Variants in MYOM2 observed in about 807,000 individuals in gnomAD.
MYOM2 encodes myomesin-2.
A neutral mutation model predicts 187.6 loss-of-function variants in MYOM2; 254 were observed. The ratio of observed to expected loss-of-function variants is 1.35; its 90% CI spans 1.22 to 1.50. MYOM2 has a LOEUF of 1.50. MYOM2 is among the 40% of genes most tolerant of loss of function. The pLI, the probability that MYOM2 is intolerant of heterozygous loss-of-function variation, is 0.00. For missense variants in MYOM2, 2,796 were observed against 1,924.0 expected (o/e 1.45, Z -8.48); for synonymous variants, 981 against 753.8 (o/e 1.30, Z -4.94).
chr8:2,104,146 T>C (rs1287602705), intron 21 of MYOM2, among the ~76,000 whole-genome samples: 3 of 96,036 alleles, frequency 3.1e-5, no homozygotes, highest in African/African-American at 1.4e-4. Context: ...ATCAGAAAAT[T>C]TTAAAAAGCT....
intron 32 of MYOM2, among the ~76,000 whole-genome samples, chr8:2,130,537 T>C (rs1433755520): frequency 1.3e-5 from 2 of 152,264 alleles, no homozygotes; most frequent in Non-Finnish European, 2.9e-5. Flanking sequence ...ACTGGTTTGC[T>C]TAGGTGACTG....
intron 7 of MYOM2, 30 bp from the exon 8 acceptor site, chr8:2,069,417 T>G: frequency 6.2e-7 from 1 of 1,614,082 alleles, no homozygotes; most frequent in South Asian, 1.1e-5. Context: ...CTTTTCTCTT[T>G]TCTGCTGCAC....
rs905227758 is a variant in MYOM2, at chr8:2,076,564, C to T, written c.1262+282C>T. 3 of 407,564 alleles carry T rather than the reference C, an allele frequency of 7.4e-6. No individual in the cohort carries two copies. In the Admixed American group the frequency reaches 1.2e-4, roughly 17 times the overall value. 25.2% of individuals were successfully genotyped at this position (407,564 alleles called of 1,614,324 possible). Reference sequence around the variant, plus strand: ...CCAATCCCACCAACGTCTTCAGGCTCACTCTGAGCCCCGCGCTGTGGTTCT... The same window carrying T: ...CCAATCCCACCAACGTCTTCAGGCTTACTCTGAGCCCCGCGCTGTGGTTCT... On this transcript the variant is annotated intron_variant, in intron 11 of 36. Coordinates refer to ENST00000262113, the MANE Select transcript of MYOM2 (RefSeq NM_003970.4).
At chr8:2,088,346 G>A (rs1461870547) in intron 14 of MYOM2, among the ~76,000 whole-genome samples, 1 of 152,210 alleles carries the variant, frequency 6.6e-6, no homozygotes, top group Non-Finnish European at 1.5e-5. Context: ...GGGGTATGTT[G>A]TGTGATACTG....
At chr8:2,131,502 A>G (rs1797866359) in intron 32 of MYOM2, among the ~76,000 whole-genome samples, 1 of 152,050 alleles carries the variant, frequency 6.6e-6, no homozygotes, top group Non-Finnish European at 1.5e-5. Flanking sequence ...ATCAGTGACC[A>G]TGGATCAGAA....
At chr8:2,136,502 A>C (rs1442068838) in intron 32 of MYOM2, among the ~76,000 whole-genome samples, 1 of 152,142 alleles carries the variant, frequency 6.6e-6, no homozygotes, top group Non-Finnish European at 1.5e-5. Context: ...TTCTTCCCCC[A>C]GATTGTGTGG....
intron 27 of MYOM2, among the ~76,000 whole-genome samples, chr8:2,116,947 GACGGAC>G (rs1343015863): frequency 1.0e-4 from 1 of 9,578 alleles, no homozygotes; most frequent in Non-Finnish European, 2.1e-4. Context: ...TTTTAGTAGA[GACGGAC>G]GGGGTTTCAC....
intron 11 of MYOM2, 83 bp from the exon 12 acceptor site, chr8:2,078,651 G>T (rs1192852134): frequency 4.1e-6 from 5 of 1,229,196 alleles, no homozygotes; most frequent in Non-Finnish European, 5.9e-6. Context: ...TAATCAGTGT[G>T]TGCATATATG....
intron 31 of MYOM2, among the ~76,000 whole-genome samples, chr8:2,128,860 A>G (rs533977465): frequency 6.6e-6 from 1 of 152,210 alleles, no homozygotes; most frequent in Admixed American, 6.5e-5. Flanking sequence ...TGAGGGGCAG[A>G]TGTTGAATCT....
chr8:2,076,378 T>G (rs1819422525), intron 11 of MYOM2, 96 bp downstream of exon 11: 1 of 1,459,716 alleles, frequency 6.9e-7, no homozygotes, highest in Non-Finnish European at 9.2e-7. Context: ...CAGGTTGACG[T>G]TCCCATTTTT....
At chr8:2,102,585 C>G in intron 20 of MYOM2, 82 bp from the exon 21 acceptor site, 1 of 884,414 alleles carries the variant, frequency 1.1e-6, no homozygotes, top group Middle Eastern at 2.4e-4. Flanking sequence ...TGAAAAGGCC[C>G]TATTCACAAT....
chr8:2,092,661 G>A (rs1796349289), intron 16 of MYOM2, 141 bp downstream of exon 16: 3 of 831,982 alleles, frequency 3.6e-6, no homozygotes, highest in South Asian at 2.3e-5. Context: ...CACAAGGGCT[G>A]TATAATTTTA....
chr8:2,094,943 G>C (rs1355558108), intron 17 of MYOM2, among the ~76,000 whole-genome samples: 1 of 152,236 alleles, frequency 6.6e-6, no homozygotes, highest in Admixed American at 6.5e-5. Flanking sequence ...CTCATGAAAT[G>C]CACCTCAGGA....
intron 18 of MYOM2, among the ~76,000 whole-genome samples, chr8:2,098,364 A>G (rs1290557067): frequency 2.0e-5 from 3 of 152,052 alleles, no homozygotes; most frequent in Admixed American, 2.0e-4. Flanking sequence ...CACCCCAGGG[A>G]CATGGGCAGC....
At chr8:2,113,043 A>G (rs1001851494) in intron 25 of MYOM2, among the ~76,000 whole-genome samples, 5 of 152,254 alleles carry the variant, frequency 3.3e-5, no homozygotes, top group Non-Finnish European at 7.3e-5. Flanking sequence ...CCCCAATTCC[A>G]GCTGAGATCG....
Position 2,106,265 on chromosome 8 carries a change from G to GT in MYOM2, c.2759dup (p.Asp921ArgfsTer2). ...AGGCACCAAGGAAATCAGTGCTGGT[G>GT]TCGATGAACAAGGCAACATCTATCT... On this transcript the variant is annotated frameshift_variant, in exon 22 of 37. Transcript: ENST00000262113. LOFTEE classifies it high-confidence loss of function. 3 of 1,614,146 alleles carry GT rather than the reference G, an allele frequency of 1.9e-6. No homozygotes were observed. The highest frequency in any genetic ancestry group is 2.5e-6 in the Non-Finnish European group (3 of 1,180,048).
chr8:2,126,464 A>G (rs1797640512), intron 31 of MYOM2, among the ~76,000 whole-genome samples: 1 of 151,980 alleles, frequency 6.6e-6, no homozygotes, highest in Non-Finnish European at 1.5e-5. Context: ...CCCACACCCT[A>G]CACACTCACA....
chr8:2,134,156 C>T (rs1045146008), intron 32 of MYOM2, among the ~76,000 whole-genome samples: 9 of 152,134 alleles, frequency 5.9e-5, no homozygotes, highest in African/African-American at 1.9e-4. Context: ...CCAGGAACGC[C>T]CTTTTGCATG....
chr8:2,065,718 C>T (rs766772562), intron 6 of MYOM2, among the ~76,000 whole-genome samples: 1 of 152,100 alleles, frequency 6.6e-6, no homozygotes, highest in Non-Finnish European at 1.5e-5. Flanking sequence ...CAAATGAAAA[C>T]ATTTTTACCT....
Sources: gnomAD v4.1 joint callset for allele counts (sites outside exome capture counted in the v4.1 genomes callset) on GRCh38, gnomAD v4.1.1 for gene constraint, MANE v1.5 for transcripts, NCBI Gene and HGNC (gene_info 2026-07-23, HGNC 2026-07-21) for gene names.